Variants in INPP4B observed in about 807,000 individuals in gnomAD.
INPP4B encodes the protein inositol polyphosphate 4-phosphatase type II.
A neutral mutation model predicts 122.5 loss-of-function variants in INPP4B; 55 were observed. That is an observed-to-expected ratio of 0.45 (90% CI 0.36 to 0.56). The LOEUF (loss-of-function observed/expected upper bound fraction) is 0.56. Ranked by LOEUF, INPP4B falls within the 20% of genes least tolerant of loss-of-function variation. The pLI, the probability that INPP4B is intolerant of heterozygous loss-of-function variation, is 0.00. For synonymous variants in INPP4B, 403 were observed against 388.7 expected, an observed-to-expected ratio of 1.04 and a Z score of -0.43; for missense variants, 1,000 against 1,097.7, an observed-to-expected ratio of 0.91 and a Z score of 1.26.
chr4:142,677,820 C>T (rs1389939605), intron 2 of INPP4B, among the ~76,000 whole-genome samples: 1 of 151,884 alleles, frequency 6.6e-6, no homozygotes, highest in Non-Finnish European at 1.5e-5. Flanking sequence ...GGGAGGGGAA[C>T]ATCATATACT....
chr4:142,228,080 G>A (rs1207190692), intron 12 of INPP4B, among the ~76,000 whole-genome samples: 2 of 151,716 alleles, frequency 1.3e-5, no homozygotes, highest in Non-Finnish European at 2.9e-5. Context: ...GCACGTCAAG[G>A]TTTGTGTATG....
intron 2 of INPP4B, among the ~76,000 whole-genome samples, chr4:142,573,678 T>C (rs1334306333): frequency 6.6e-6 from 1 of 152,074 alleles, no homozygotes; most frequent in East Asian, 1.9e-4. Context: ...AGTTGCGTGG[T>C]GGGAAATTAG....
chr4:142,250,903 C>A (rs1386838250), intron 11 of INPP4B, among the ~76,000 whole-genome samples: 1 of 152,144 alleles, frequency 6.6e-6, no homozygotes, highest in Non-Finnish European at 1.5e-5. Flanking sequence ...TTTCACTCCA[C>A]AAAGTATATT....
chr4:142,411,046 A>G (rs1026426122), intron 5 of INPP4B, among the ~76,000 whole-genome samples: 1 of 152,194 alleles, frequency 6.6e-6, no homozygotes, highest in South Asian at 2.1e-4. Flanking sequence ...TTAATTGTGA[A>G]AATCAGAGGC....
chr4:142,419,774 A>G (rs1806478218), intron 5 of INPP4B, among the ~76,000 whole-genome samples: 1 of 152,112 alleles, frequency 6.6e-6, no homozygotes, highest in Non-Finnish European at 1.5e-5. Context: ...TCCCCAAGTG[A>G]CTTAAGATAC....
chr4:142,051,199 A>G (rs1184256200), intron 25 of INPP4B, among the ~76,000 whole-genome samples: 1 of 152,016 alleles, frequency 6.6e-6, no homozygotes, highest in African/African-American at 2.4e-5. Context: ...TTAATCCTCA[A>G]AAAGATACTA....
chr4:142,670,649 G>A (rs1292787506), intron 2 of INPP4B, among the ~76,000 whole-genome samples: 1 of 152,082 alleles, frequency 6.6e-6, no homozygotes, highest in Admixed American at 6.6e-5. Flanking sequence ...GGGCTGCGGT[G>A]GTTTGGGGCT....
rs1580527892 is a variant in INPP4B, at chr4:142,622,241, A to C, written c.-191+103598T>G. Among the ~76,000 whole-genome samples, 7 of 151,862 alleles carry C rather than the reference A, an allele frequency of 4.6e-5. No homozygotes were observed. The South Asian group carries it at 1.5e-3, about 32-fold the overall frequency. ...ATGTAAATAAAACCATATTGCTAAC[A>C]CTGATACTTTTCATCACATTTTCCC... On this transcript the variant is annotated intron_variant, in intron 2 of 25. Coordinates refer to ENST00000262992, the MANE Select transcript of INPP4B (RefSeq NM_001101669.3).
intron 14 of INPP4B, among the ~76,000 whole-genome samples, chr4:142,196,727 C>T (rs1838394843): frequency 6.6e-6 from 1 of 152,082 alleles, no homozygotes; most frequent in Non-Finnish European, 1.5e-5. Context: ...GCCTTCAGTA[C>T]TTAATTCCTC....
intron 2 of INPP4B, among the ~76,000 whole-genome samples, chr4:142,559,341 C>T (rs1729943598): frequency 6.6e-6 from 1 of 151,860 alleles, no homozygotes; most frequent in South Asian, 2.1e-4. Context: ...ATCTTTGTGG[C>T]TTGAGAATTA....
At chr4:142,491,594 T>A (rs551557678) in intron 2 of INPP4B, among the ~76,000 whole-genome samples, 1 of 152,056 alleles carries the variant, frequency 6.6e-6, no homozygotes. Flanking sequence ...GAGGTGGAGG[T>A]TGCAGTGAGC....
chr4:142,178,925 A>G (rs1022579068), intron 15 of INPP4B, among the ~76,000 whole-genome samples: 1 of 152,106 alleles, frequency 6.6e-6, no homozygotes, highest in East Asian at 1.9e-4. Context: ...TATGGATCAC[A>G]AAAGAAAATT....
intron 2 of INPP4B, among the ~76,000 whole-genome samples, chr4:142,486,473 G>C (rs1461101191): frequency 6.6e-6 from 1 of 151,920 alleles, no homozygotes; most frequent in Non-Finnish European, 1.5e-5. Flanking sequence ...TTCTATTATT[G>C]TGGGATAGGA....
intron 14 of INPP4B, among the ~76,000 whole-genome samples, chr4:142,206,951 C>A (rs530683666): frequency 6.6e-6 from 1 of 152,106 alleles, no homozygotes; most frequent in South Asian, 2.1e-4. Flanking sequence ...CTAATACCTC[C>A]TTTTTTCAAC....
chr4:142,707,497 C>T (rs534527421), intron 2 of INPP4B, among the ~76,000 whole-genome samples: 2 of 152,210 alleles, frequency 1.3e-5, no homozygotes, highest in Non-Finnish European at 2.9e-5. Context: ...GTGGACTTCC[C>T]CCTTTCTGTT....
chr4:142,546,342 G>A (rs1400109637), intron 2 of INPP4B, among the ~76,000 whole-genome samples: 1 of 152,018 alleles, frequency 6.6e-6, no homozygotes, highest in East Asian at 1.9e-4. Context: ...TATCATTGAT[G>A]GGCATTTAGG....
At chr4:142,111,402 A>G (rs1216493223) in intron 22 of INPP4B, among the ~76,000 whole-genome samples, 1 of 152,068 alleles carries the variant, frequency 6.6e-6, no homozygotes, top group Non-Finnish European at 1.5e-5. Context: ...GCTAGAGTGC[A>G]ATGGTGCAAT....
intron 14 of INPP4B, among the ~76,000 whole-genome samples, chr4:142,199,959 T>C (rs528244732): frequency 6.6e-6 from 1 of 152,174 alleles, no homozygotes; most frequent in African/African-American, 2.4e-5. Flanking sequence ...CTTTTTCTGC[T>C]TAAACTTTTA....
intron 25 of INPP4B, among the ~76,000 whole-genome samples, chr4:142,057,112 T>C (rs2667105): frequency 0.81 from 123,785 of 152,028 alleles, 52,535 homozygotes; most frequent in Non-Finnish European, 0.92. Context: ...TCCAGAAAGA[T>C]AGGCACCATG....
Sources: gnomAD v4.1 joint callset for allele counts (sites outside exome capture counted in the v4.1 genomes callset) on GRCh38, gnomAD v4.1.1 for gene constraint, MANE v1.5 for transcripts, NCBI Gene and HGNC (gene_info 2026-07-23, HGNC 2026-07-21) for gene names.